Variants in CNTN1 observed in about 807,000 individuals in gnomAD.
CNTN1 encodes the protein contactin 1.
Under a neutral mutation model 126.4 loss-of-function variants are expected in CNTN1, and 38 were observed. The ratio of observed to expected loss-of-function variants is 0.30; its 90% CI spans 0.23 to 0.39. The LOEUF is 0.39. Among genes scored for constraint, CNTN1 ranks in the 10% least tolerant of loss-of-function variants. CNTN1 has a pLI of 1.00. For missense variants in CNTN1, 1,009 were observed against 1,248.4 expected, an observed-to-expected ratio of 0.81 and a Z score of 2.89; for synonymous variants, 413 against 422.6, an observed-to-expected ratio of 0.98 and a Z score of 0.28.
intron 1 of CNTN1, among the ~76,000 whole-genome samples, chr12:40,857,254 T>G (rs1334914805): frequency 6.6e-6 from 1 of 152,062 alleles, no homozygotes; most frequent in Non-Finnish European, 1.5e-5. Flanking sequence ...ACACAACTTT[T>G]CCAAAGAATT....
intron 1 of CNTN1, among the ~76,000 whole-genome samples, chr12:40,701,750 T>A (rs2120599): frequency 0.87 from 132,447 of 152,218 alleles, 57,767 homozygotes; most frequent in East Asian, 1. Context: ...TGTTATTTTC[T>A]AATTTTGGTT....
chr12:41,006,298 GC>G (rs1473611596), intron 17 of CNTN1, among the ~76,000 whole-genome samples: 7 of 152,190 alleles, frequency 4.6e-5, no homozygotes, highest in African/African-American at 1.4e-4. Flanking sequence ...GGAAGGGAGG[GC>G]TAAGGTGTAG....
At chr12:40,860,952 AC>A (rs1938936221) in intron 1 of CNTN1, among the ~76,000 whole-genome samples, 1 of 152,062 alleles carries the variant, frequency 6.6e-6, no homozygotes, top group South Asian at 2.1e-4. Flanking sequence ...TACAAAAGAT[AC>A]TTCCATCATC....
At chr12:40,908,242 T>G in intron 1 of CNTN1, 115 bp from the exon 2 acceptor site, 1 of 576,352 alleles carries the variant, frequency 1.7e-6, no homozygotes, top group South Asian at 2.2e-5. Flanking sequence ...TTTCCTCAAA[T>G]GATGAACATT....
intron 1 of CNTN1, among the ~76,000 whole-genome samples, chr12:40,723,426 C>T (rs1479199989): frequency 6.6e-6 from 1 of 152,150 alleles, no homozygotes; most frequent in Non-Finnish European, 1.5e-5. Context: ...ATGAGACTTC[C>T]AGATTGAACC....
chr12:41,029,354 C>T, intron 23 of CNTN1, 135 bp downstream of exon 23: 1 of 986,496 alleles, frequency 1.0e-6, no homozygotes, highest in Non-Finnish European at 1.6e-6. Flanking sequence ...ATCAAGGATT[C>T]CCTGAAACTT....
chr12:41,026,159 G>A (rs1298263021), intron 21 of CNTN1, among the ~76,000 whole-genome samples: 2 of 152,144 alleles, frequency 1.3e-5, no homozygotes, highest in African/African-American at 4.8e-5. Context: ...ATTTGTAAAA[G>A]GAGCATTCAT....
intron 1 of CNTN1, among the ~76,000 whole-genome samples, chr12:40,805,790 T>C (rs1365250535): frequency 6.6e-6 from 1 of 152,068 alleles, no homozygotes; most frequent in Non-Finnish European, 1.5e-5. Context: ...ATGGTATTTA[T>C]ACCTGAAAAT....
intron 23 of CNTN1, among the ~76,000 whole-genome samples, chr12:41,050,775 T>C (rs1057512701): frequency 3.9e-4 from 60 of 152,190 alleles, no homozygotes; most frequent in Non-Finnish European, 5.1e-4. Flanking sequence ...TAACCGGAAG[T>C]ATGAGTGGGA....
At chr12:40,841,306 GA>G (rs1488623199) in intron 1 of CNTN1, among the ~76,000 whole-genome samples, 1 of 151,758 alleles carries the variant, frequency 6.6e-6, no homozygotes, top group Non-Finnish European at 1.5e-5. Context: ...TCTCAACATA[GA>G]AAAACCCTGT....
At chr12:40,784,824 C>A (rs970636543) in intron 1 of CNTN1, among the ~76,000 whole-genome samples, 1 of 152,154 alleles carries the variant, frequency 6.6e-6, no homozygotes, top group Admixed American at 6.6e-5. Context: ...TGGCACAAAT[C>A]TGCCCTTAGA....
chr12:41,007,351 C>T (rs1036607026), intron 17 of CNTN1, among the ~76,000 whole-genome samples: 2 of 151,960 alleles, frequency 1.3e-5, no homozygotes, highest in East Asian at 1.9e-4. Context: ...TGAGCCACCG[C>T]GCCCGGCCAG....
At chr12:40,829,274 T>C (rs1328710265) in intron 1 of CNTN1, among the ~76,000 whole-genome samples, 3 of 152,044 alleles carry the variant, frequency 2.0e-5, no homozygotes, top group Admixed American at 2.0e-4. Flanking sequence ...AGTGAATATA[T>C]ATACTAGTGA....
Position 41,027,973 on chromosome 12 carries a change from T to A in CNTN1, c.2823+4T>A. 6.5e-7 allele frequency: 1 copy of A among 1,538,194 alleles called. No homozygotes were observed. Among genetic ancestry groups the A allele is most frequent in the Non-Finnish European group, 9.0e-7 (1 of 1,110,986 alleles). On this transcript the variant is annotated splice_donor_region_variant and intron_variant, in intron 22 of 23. Coordinates refer to ENST00000551295, the MANE Select transcript of CNTN1 (RefSeq NM_001843.4). The stretch of plus-strand genomic sequence containing the variant: ...ATCTACAGTGACGGGATATAAGGTA[T>A]ATACAAATAGTGATGATTAATGTTT...
At chr12:40,704,643 T>C (rs1306531156) in intron 1 of CNTN1, among the ~76,000 whole-genome samples, 1 of 152,196 alleles carries the variant, frequency 6.6e-6, no homozygotes, top group Admixed American at 6.5e-5. Context: ...TAAACACGTA[T>C]GGTTTCCTGT....
At chr12:40,848,976 C>T (rs1223498541) in intron 1 of CNTN1, among the ~76,000 whole-genome samples, 3 of 152,020 alleles carry the variant, frequency 2.0e-5, no homozygotes, top group Non-Finnish European at 4.4e-5. Flanking sequence ...ATCCAAATTA[C>T]TAAGGTAATG....
At chr12:40,778,171 A>G (rs186727242) in intron 1 of CNTN1, among the ~76,000 whole-genome samples, 1 of 151,986 alleles carries the variant, frequency 6.6e-6, no homozygotes, top group East Asian at 1.9e-4. Flanking sequence ...GGACAAAACT[A>G]TGTGAAGGCT....
chr12:40,889,143 A>T (rs930427184), intron 1 of CNTN1, among the ~76,000 whole-genome samples: 29 of 152,240 alleles, frequency 1.9e-4, no homozygotes, highest in African/African-American at 5.8e-4. Context: ...TCCTATCTGT[A>T]TACCTGTATT....
intron 1 of CNTN1, among the ~76,000 whole-genome samples, chr12:40,787,723 G>A (rs1031346384): frequency 6.6e-6 from 1 of 152,012 alleles, no homozygotes; most frequent in African/African-American, 2.4e-5. Context: ...GCAAACATAA[G>A]CTTTATTTTT....
Sources: allele counts gnomAD v4.1 joint callset (sites outside exome capture counted in the v4.1 genomes callset), GRCh38; gene constraint gnomAD v4.1.1; transcripts MANE v1.5; gene names NCBI Gene and HGNC (gene_info 2026-07-23, HGNC 2026-07-21).